SIPA1L1: variants seen among roughly 807,000 people sequenced by gnomAD.
SIPA1L1 encodes signal-induced proliferation-associated 1-like protein 1.
Under a neutral mutation model 162.7 loss-of-function variants are expected in SIPA1L1, and 26 were observed. That is an observed-to-expected ratio of 0.16 (90% confidence interval 0.12 to 0.22). SIPA1L1 has a LOEUF of 0.22. SIPA1L1 is among the 10% of genes least tolerant of loss of function. The pLI, the probability that SIPA1L1 is intolerant of heterozygous loss-of-function variation, is 1.00. For missense variants in SIPA1L1, 1,874 were observed against 2,241.0 expected, an observed-to-expected ratio of 0.84 and a Z score of 3.31; for synonymous variants, 829 against 837.4, an observed-to-expected ratio of 0.99 and a Z score of 0.17.
intron 5 of SIPA1L1, among the ~76,000 whole-genome samples, chr14:71,609,718 C>T (rs994051831): frequency 6.6e-6 from 1 of 151,958 alleles, no homozygotes; most frequent in Non-Finnish European, 1.5e-5. Flanking sequence ...CCATCCACCT[C>T]GGCCTCCCAA....
At chr14:71,703,391 G>A (rs2149862661) in intron 15 of SIPA1L1, among the ~76,000 whole-genome samples, 1 of 152,314 alleles carries the variant, frequency 6.6e-6, no homozygotes, top group African/African-American at 2.4e-5. Flanking sequence ...CTTTGCCCAA[G>A]TAAGTGTACT....
At chr14:71,401,989 G>T (rs1322650510) in intron 2 of SIPA1L1, among the ~76,000 whole-genome samples, 2 of 152,006 alleles carry the variant, frequency 1.3e-5, no homozygotes, top group Non-Finnish European at 2.9e-5. Flanking sequence ...AATAATATAA[G>T]GTGGAGGCTG....
intron 2 of SIPA1L1, among the ~76,000 whole-genome samples, chr14:71,435,499 A>T (rs1442868948): frequency 6.6e-6 from 1 of 152,236 alleles, no homozygotes; most frequent in Non-Finnish European, 1.5e-5. Context: ...TACAAAGGAC[A>T]TGAACTCATC....
At chr14:71,502,250 AAAAAAATATATAT>A (rs2050295025) in intron 2 of SIPA1L1, among the ~76,000 whole-genome samples, 1 of 101,770 alleles carries the variant, frequency 9.8e-6, no homozygotes, top group South Asian at 3.3e-4. Context: ...TTGAAAAAAA[AAAAAAATATATAT>A]ATATATATAT....
chr14:71,528,676 A>C (rs920590390), intron 3 of SIPA1L1: 2 of 151,940 alleles, frequency 1.3e-5, no homozygotes, highest in African/African-American at 4.8e-5. Flanking sequence ...TAATAATTCT[A>C]TTTTTTCCCC....
At chr14:71,633,797 T>A (rs1477027719) in intron 7 of SIPA1L1, among the ~76,000 whole-genome samples, 2 of 151,230 alleles carry the variant, frequency 1.3e-5, no homozygotes, top group African/African-American at 2.4e-5. Context: ...CAACAAAGAG[T>A]AGACTGGGGG....
chr14:71,498,213 A>G (rs2049940646), intron 2 of SIPA1L1, among the ~76,000 whole-genome samples: 1 of 152,238 alleles, frequency 6.6e-6, no homozygotes, highest in Non-Finnish European at 1.5e-5. Context: ...ACACTTAAAA[A>G]TACAATCTTT....
chr14:71,356,687 G>T (rs1342860219), intron 2 of SIPA1L1, among the ~76,000 whole-genome samples: 1 of 151,612 alleles, frequency 6.6e-6, no homozygotes, highest in African/African-American at 2.4e-5. Context: ...CTGTACTCCA[G>T]CCTGGGCAAC....
At position 71,403,351 on chromosome 14, in the gene SIPA1L1, G is replaced by T. The variant is rs140222634; in HGVS notation, c.-465+82170G>T. Among the ~76,000 whole-genome samples the T allele has an allele frequency of 4.1e-3, 620 of 152,216 alleles. 6 individuals are homozygous for T. Among genetic ancestry groups the T allele is most frequent in the African/African-American group, 0.014 (590 of 41,524 alleles). ...GCGGTGGCTCACGCCTGTAATCCCA[G>T]CACTTTGGGAGGCCAAGGCAGGTGG... On this transcript the variant is annotated intron_variant, in intron 2 of 23. Transcript: ENST00000381232.
chr14:71,587,686 G>A lies in SIPA1L1; in HGVS notation c.-187G>A, dbSNP rs571259295. 26 of 582,694 alleles carry A rather than the reference G, an allele frequency of 4.5e-5. No individual in the cohort carries two copies. Among genetic ancestry groups the A allele is most frequent in the East Asian group, 1.1e-4 (4 of 36,590 alleles). The allele number at this position is 582,694 out of a possible 1,614,324, so 36.1% of individuals were successfully genotyped here. A position where few individuals can be genotyped will look rare whatever the true frequency, so the allele number is the denominator to read the frequency against. On this transcript the variant is annotated 5_prime_UTR_variant, in exon 5 of 24. Coordinates refer to ENST00000381232, the MANE Select transcript of SIPA1L1 (RefSeq NM_001386936.1). ...CAAAGAAACTGTTGTGGATTATAAC[G>A]TTTAGAAGTTCCAATTTTTCAGTGC...
intron 2 of SIPA1L1, among the ~76,000 whole-genome samples, chr14:71,486,621 T>A (rs2048779940): frequency 6.6e-6 from 1 of 152,226 alleles, no homozygotes; most frequent in South Asian, 2.1e-4. Flanking sequence ...CTTTCTGCCA[T>A]CAAATACAAC....
At chr14:71,636,096 ATAC>A (rs2041118446) in intron 7 of SIPA1L1, among the ~76,000 whole-genome samples, 2 of 152,210 alleles carry the variant, frequency 1.3e-5, no homozygotes, top group Non-Finnish European at 2.9e-5. Flanking sequence ...AAATAGGTAA[ATAC>A]ACAATTATAG....
chr14:71,413,470 G>C (rs1319782073), intron 2 of SIPA1L1, among the ~76,000 whole-genome samples: 1 of 152,222 alleles, frequency 6.6e-6, no homozygotes, highest in East Asian at 1.9e-4. Flanking sequence ...TAGTGCAGTG[G>C]CTCACGCCTG....
chr14:71,403,636 T>C (rs2041838471), intron 2 of SIPA1L1, among the ~76,000 whole-genome samples: 1 of 151,842 alleles, frequency 6.6e-6, no homozygotes, highest in Non-Finnish European at 1.5e-5. Flanking sequence ...CTTAATCATA[T>C]TGTTTTCACA....
rs2034775899 is a variant in SIPA1L1, at chr14:71,587,557, C to A, written c.-302-14C>A. On this transcript the variant is annotated splice_polypyrimidine_tract_variant and intron_variant, in intron 4 of 23. Coordinates refer to ENST00000381232, the MANE Select transcript of SIPA1L1 (RefSeq NM_001386936.1). ...TATTTATCTGCTAATTCAAATTATC[C>A]TTTTCTCTTTTAGAGAAAGCATGGG... The A allele has an allele frequency of 2.4e-6, 1 of 410,392 alleles. No homozygotes were observed. The highest frequency in any genetic ancestry group is 4.3e-6 in the Non-Finnish European group (1 of 232,290). 25.4% of individuals were successfully genotyped at this position (410,392 alleles called of 1,614,324 possible). A position where few individuals can be genotyped will look rare whatever the true frequency, so the allele number is the denominator to read the frequency against.
intron 2 of SIPA1L1, among the ~76,000 whole-genome samples, chr14:71,322,137 C>T (rs2033109337): frequency 6.6e-6 from 1 of 152,202 alleles, no homozygotes; most frequent in Admixed American, 6.5e-5. Flanking sequence ...TCATCAGGTT[C>T]CAGGTCTATC....
intron 15 of SIPA1L1, among the ~76,000 whole-genome samples, chr14:71,702,911 C>A (rs749482051): frequency 6.6e-6 from 1 of 152,126 alleles, no homozygotes; most frequent in Non-Finnish European, 1.5e-5. Flanking sequence ...TAGTCACATC[C>A]GTAGCTTGCT....
intron 2 of SIPA1L1, among the ~76,000 whole-genome samples, chr14:71,338,353 C>T (rs1440532098): frequency 6.6e-6 from 1 of 152,190 alleles, no homozygotes; most frequent in Admixed American, 6.5e-5. Context: ...TCAGGCCTCA[C>T]AGGACAGAAC....
In SIPA1L1 at chr14:71,740,659, C is replaced by T. The variant is rs2085686569; in HGVS notation, c.*1498C>T. 6.6e-6 allele frequency: 1 copy of T among 152,188 alleles called. No individual in the cohort carries two copies. Among genetic ancestry groups the T allele is most frequent in the African/African-American group, 2.4e-5 (1 of 41,448 alleles). 9.4% of individuals were successfully genotyped at this position (152,188 alleles called of 1,614,324 possible). On this transcript the variant is annotated 3_prime_UTR_variant, in exon 24 of 24. Coordinates refer to ENST00000381232, the MANE Select transcript of SIPA1L1 (RefSeq NM_001386936.1). ...TCTCTTCTCCCTGCTACATTCACTA[C>T]CAGATTTTTATGCTACAGTTTCATT...
Sources: allele counts gnomAD v4.1 joint callset (sites outside exome capture counted in the v4.1 genomes callset), GRCh38; gene constraint gnomAD v4.1.1; transcripts MANE v1.5; gene names NCBI Gene and HGNC (gene_info 2026-07-23, HGNC 2026-07-21).